SOX5: variants seen among roughly 807,000 people sequenced by gnomAD.
SOX5 encodes SRY-box transcription factor 5.
A neutral mutation model predicts 92.0 loss-of-function variants in SOX5; 9 were observed. The ratio of observed to expected loss-of-function variants is 0.10; its 90% CI spans 0.06 to 0.17. SOX5 has a LOEUF of 0.17. SOX5 is among the 10% of genes least tolerant of loss of function. The pLI is 1.00. For missense variants in SOX5, 642 were observed against 944.5 expected (o/e 0.68, Z 4.20); for synonymous variants, 344 against 336.3 (o/e 1.02, Z -0.25).
rs534786238 is a variant in SOX5, at chr12:23,971,031, G to A, written c.-1-75007C>T. On this transcript the variant is annotated intron_variant, in intron 4 of 4. Transcript: ENST00000446891. ...TAGCATTCCTACCTGAAATGTATGA[G>A]GGCTCCAATTTCACTATATGCTTGT... 1.4e-3 allele frequency among the ~76,000 whole-genome samples: 204 copies of A among 146,414 alleles called. 1 individual carries two copies. The highest frequency in any genetic ancestry group is 4.9e-3 in the African/African-American group (195 of 39,798).
chr12:24,555,355 T>A (rs1393184909), intron 1 of SOX5, among the ~76,000 whole-genome samples: 1 of 152,206 alleles, frequency 6.6e-6, no homozygotes, highest in East Asian at 1.9e-4. Context: ...CGGTTTATAC[T>A]CTGATAAAAA....
intron 10 of SOX5, among the ~76,000 whole-genome samples, chr12:23,566,228 G>A (rs1947058221): frequency 6.6e-6 from 1 of 152,142 alleles, no homozygotes; most frequent in African/African-American, 2.4e-5. Context: ...CAAATAAAGT[G>A]TCTTCTTTAA....
chr12:24,513,727 T>C (rs1161785638), intron 1 of SOX5, among the ~76,000 whole-genome samples: 1 of 152,218 alleles, frequency 6.6e-6, no homozygotes, highest in African/African-American at 2.4e-5. Context: ...CTCATATGCA[T>C]AGTATTTCCC....
At chr12:24,049,956 T>A (rs1409658394) in intron 4 of SOX5, among the ~76,000 whole-genome samples, 1 of 152,060 alleles carries the variant, frequency 6.6e-6, no homozygotes, top group Admixed American at 6.6e-5. Flanking sequence ...CTTGTTTTTC[T>A]ACTATCTGCT....
At chr12:23,914,900 G>A (rs868075015) in intron 1 of SOX5, among the ~76,000 whole-genome samples, 24 of 152,040 alleles carry the variant, frequency 1.6e-4, no homozygotes, top group African/African-American at 5.1e-4. Flanking sequence ...ATTAAAGTGA[G>A]TTTACTATTG....
chr12:23,624,175 A>G (rs2077495199), intron 8 of SOX5, among the ~76,000 whole-genome samples: 1 of 152,114 alleles, frequency 6.6e-6, no homozygotes, highest in South Asian at 2.1e-4. Flanking sequence ...TGACTACCAG[A>G]GATGAGAAGA....
chr12:24,063,487 T>C (rs1221841346), intron 4 of SOX5, among the ~76,000 whole-genome samples: 1 of 152,226 alleles, frequency 6.6e-6, no homozygotes, highest in East Asian at 1.9e-4. Context: ...AGTCTATATG[T>C]TATTTCCTAG....
chr12:23,935,671 G>T (rs764468949), intron 1 of SOX5, among the ~76,000 whole-genome samples: 1 of 151,032 alleles, frequency 6.6e-6, no homozygotes, highest in Non-Finnish European at 1.5e-5. Context: ...ATCACCTTGT[G>T]CAATGAATGA....
chr12:24,297,998 A>G (rs1249726781), intron 2 of SOX5, among the ~76,000 whole-genome samples: 1 of 151,968 alleles, frequency 6.6e-6, no homozygotes, highest in Non-Finnish European at 1.5e-5. Flanking sequence ...ATGAATACGC[A>G]TTACTCCTTT....
chr12:23,849,095 C>T (rs1441515864), intron 2 of SOX5, among the ~76,000 whole-genome samples: 4 of 152,060 alleles, frequency 2.6e-5, no homozygotes, highest in Admixed American at 1.3e-4. Context: ...TATTTAAACT[C>T]TATATGATGT....
chr12:23,552,743 G>A (rs561546991), intron 11 of SOX5, among the ~76,000 whole-genome samples: 149 of 151,956 alleles, frequency 9.8e-4, no homozygotes, highest in Middle Eastern at 3.4e-3. Flanking sequence ...GTCTCAGGAT[G>A]GAAGAAGTTT....
At chr12:23,807,025 C>T (rs1462513726) in intron 3 of SOX5, among the ~76,000 whole-genome samples, 1 of 152,112 alleles carries the variant, frequency 6.6e-6, no homozygotes, top group Non-Finnish European at 1.5e-5. Flanking sequence ...TTTGGATGGC[C>T]AAATTTCCCA....
At chr12:23,897,878 A>G (rs1036970383) in intron 1 of SOX5, among the ~76,000 whole-genome samples, 4 of 152,210 alleles carry the variant, frequency 2.6e-5, no homozygotes, top group Non-Finnish European at 5.9e-5. Flanking sequence ...AAGGAGAAGT[A>G]GATTTGGATA....
intron 2 of SOX5, among the ~76,000 whole-genome samples, chr12:23,861,293 A>G (rs899018028): frequency 1.3e-5 from 2 of 152,160 alleles, no homozygotes; most frequent in African/African-American, 2.4e-5. Flanking sequence ...ATATAAAAAA[A>G]GTTTTTCAGA....
intron 9 of SOX5, among the ~76,000 whole-genome samples, chr12:23,600,553 A>ATATATATATATATATG (rs56115010): frequency 3.9e-5 from 3 of 77,352 alleles, no homozygotes. Context: ...ATATATATAT[A>ATATATATATATATATG]CACATACTTG....
chr12:23,677,686 T>C (rs1283216813), intron 6 of SOX5, among the ~76,000 whole-genome samples: 2 of 152,194 alleles, frequency 1.3e-5, no homozygotes, highest in Non-Finnish European at 2.9e-5. Flanking sequence ...CCTGCTTATA[T>C]TTCTTTTGTT....
At chr12:24,078,287 C>A (rs772129538) in intron 4 of SOX5, among the ~76,000 whole-genome samples, 34 of 151,610 alleles carry the variant, frequency 2.2e-4, no homozygotes, top group Admixed American at 7.9e-4. Context: ...GTGAAGTGGG[C>A]GTGATAATAC....
chr12:23,890,872 A>G (rs1039509831), intron 2 of SOX5, among the ~76,000 whole-genome samples: 4 of 152,188 alleles, frequency 2.6e-5, no homozygotes, highest in African/African-American at 9.7e-5. Flanking sequence ...TTAACTACCA[A>G]TAAGAATAAA....
intron 3 of SOX5, among the ~76,000 whole-genome samples, chr12:24,248,057 C>T (rs1053362391): frequency 6.6e-6 from 1 of 152,078 alleles, no homozygotes; most frequent in South Asian, 2.1e-4. Context: ...GGAGCCTTTG[C>T]GGAGCTTATC....
Sources: allele counts gnomAD v4.1 joint callset (sites outside exome capture counted in the v4.1 genomes callset), GRCh38; gene constraint gnomAD v4.1.1; transcripts MANE v1.5; gene names NCBI Gene and HGNC (gene_info 2026-07-23, HGNC 2026-07-21).